The following PALLD variants were observed in gnomAD, a reference collection of about 807,000 sequenced individuals.
PALLD encodes palladin.
Under a neutral mutation model 123.5 loss-of-function variants are expected in PALLD, and 61 were observed. That is an observed-to-expected ratio of 0.49 (90% CI 0.40 to 0.61). PALLD has a LOEUF of 0.61. PALLD is among the 20% of genes least tolerant of loss of function. The pLI is 0.00. For missense variants in PALLD, 1,273 were observed against 1,377.0 expected (o/e 0.92, Z 1.20); for synonymous variants, 465 against 496.4 (o/e 0.94, Z 0.84).
In PALLD at chr4:168,526,481, T is replaced by A. The variant is rs1009486934; in HGVS notation, c.908+14069T>A. Among the ~76,000 whole-genome samples the A allele has an allele frequency of 3.9e-5, 6 of 152,230 alleles. 1 individual carries two copies. Among genetic ancestry groups the A allele is most frequent in the Non-Finnish European group, 7.3e-5 (5 of 68,044 alleles). On this transcript the variant is annotated intron_variant, in intron 2 of 21. Transcript: ENST00000505667. Reference sequence around the variant, plus strand: ...AGGAGTTGGGTTCATCTTCTCTCTCTCACATCCACATTGCAAATCAGTCCT... The same window carrying A: ...AGGAGTTGGGTTCATCTTCTCTCTCACACATCCACATTGCAAATCAGTCCT...
intron 8 of PALLD, among the ~76,000 whole-genome samples, chr4:168,696,959 A>T (rs946232820): frequency 6.6e-6 from 1 of 152,212 alleles, no homozygotes; most frequent in African/African-American, 2.4e-5. Flanking sequence ...AGATGGAAAA[A>T]TCCACTGATT....
At chr4:168,743,741 G>A (rs1788590071) in intron 10 of PALLD, among the ~76,000 whole-genome samples, 2 of 152,096 alleles carry the variant, frequency 1.3e-5, no homozygotes, top group Non-Finnish European at 2.9e-5. Flanking sequence ...GTTTGGTCAG[G>A]TCTGGCATGG....
rs1732447636 is a variant in PALLD, at chr4:168,759,205, ATATATATAT to A, written c.1964+47283_1964+47291del. On this transcript the variant is annotated intron_variant, in intron 10 of 21. Coordinates refer to ENST00000505667, the MANE Select transcript of PALLD (RefSeq NM_001166108.2). ...AAAAAAAAAAAAAAAAAAAAAAAAT[ATATATATAT>A]ATATATATATATATATATATATATA... Among the ~76,000 whole-genome samples, 32 of 45,236 alleles carry A rather than the reference ATATATATAT, an allele frequency of 7.1e-4. 3 individuals carry two copies. Among genetic ancestry groups the A allele is most frequent in the African/African-American group, 2.7e-3 (20 of 7,286 alleles). The allele number at this position is 45,236 out of a possible 152,430, so 29.7% of individuals were successfully genotyped here. A position where few individuals can be genotyped will look rare whatever the true frequency, so the allele number is the denominator to read the frequency against.
chr4:168,631,825 G>A (rs914796492), intron 2 of PALLD: 3 of 985,496 alleles, frequency 3.0e-6, no homozygotes, highest in Non-Finnish European at 3.6e-6. Context: ...TGCAAGCTGG[G>A]AATAAGCGAG....
chr4:168,517,371 C>T (rs559815054), intron 2 of PALLD, among the ~76,000 whole-genome samples: 14 of 152,240 alleles, frequency 9.2e-5, no homozygotes, highest in Non-Finnish European at 1.9e-4. Flanking sequence ...CATATCTAAT[C>T]ATAAGATACC....
intron 2 of PALLD, among the ~76,000 whole-genome samples, chr4:168,568,346 C>T (rs1253994335): frequency 6.6e-6 from 1 of 151,990 alleles, no homozygotes; most frequent in East Asian, 1.9e-4. Flanking sequence ...ATTGGGTACA[C>T]TAAAAATTGG....
intron 2 of PALLD, among the ~76,000 whole-genome samples, chr4:168,619,099 G>A (rs1774501631): frequency 6.6e-6 from 1 of 152,232 alleles, no homozygotes. Flanking sequence ...GCACTGAGCT[G>A]TGAATAGGAA....
chr4:168,581,733 A>G (rs547110406), intron 2 of PALLD, among the ~76,000 whole-genome samples: 5 of 151,980 alleles, frequency 3.3e-5, no homozygotes, highest in Non-Finnish European at 5.9e-5. Flanking sequence ...TCTGTTGACT[A>G]TTTCCTTTGC....
At chr4:168,630,343 G>C (rs1005754407) in intron 2 of PALLD, among the ~76,000 whole-genome samples, 18 of 152,304 alleles carry the variant, frequency 1.2e-4, no homozygotes, top group African/African-American at 3.6e-4. Flanking sequence ...TACAAGAAGG[G>C]ACTGAACCTG....
chr4:168,613,362 C>T (rs1398697789), intron 2 of PALLD, among the ~76,000 whole-genome samples: 2 of 152,194 alleles, frequency 1.3e-5, no homozygotes, highest in African/African-American at 2.4e-5. Flanking sequence ...GTATTTCTGA[C>T]AGCCATACCG....
At chr4:168,555,439 C>T (rs11132322) in intron 2 of PALLD, among the ~76,000 whole-genome samples, 43,468 of 151,992 alleles carry the variant, frequency 0.29, 6,571 homozygotes, top group South Asian at 0.44. Flanking sequence ...GGTGGAACCA[C>T]TTTATTCAGA....
chr4:168,560,968 A>G (rs1333750272), intron 2 of PALLD, among the ~76,000 whole-genome samples: 1 of 152,180 alleles, frequency 6.6e-6, no homozygotes, highest in Non-Finnish European at 1.5e-5. Context: ...AGTTGCCTGC[A>G]ATAATAGAGG....
At chr4:168,838,667 C>CTTTTTTTTTTTTTT (rs70961558) in intron 10 of PALLD, among the ~76,000 whole-genome samples, 1 of 88,780 alleles carries the variant, frequency 1.1e-5, no homozygotes. Flanking sequence ...CTTCTAACTC[C>CTTTTTTTTTTTTTT]TTTTTTTTTT....
chr4:168,667,514 C>T (rs1247344199), intron 2 of PALLD, among the ~76,000 whole-genome samples: 1 of 152,070 alleles, frequency 6.6e-6, no homozygotes. Flanking sequence ...GTGAGAGAAC[C>T]TGTGTTCAAA....
intron 5 of PALLD, among the ~76,000 whole-genome samples, chr4:168,685,079 G>T (rs1580955071): frequency 6.6e-6 from 1 of 152,124 alleles, no homozygotes; most frequent in East Asian, 1.9e-4. Flanking sequence ...GTAGATGTTT[G>T]ATAATTTACC....
At position 168,921,574 on chromosome 4, in the gene PALLD, A is replaced by G; in HGVS notation, c.2891A>G (p.Asp964Gly). ...ACCCCAGATCTAAGCTGGCAACTAG[A>G]TGGAAAGCCCGTACGCCCTGACAGT... Reference protein sequence around the residue: ...LPTPDLSWQLDGKPVRPDSAH... With the variant: ...LPTPDLSWQLGGKPVRPDSAH... The change falls in exon 18 of 22, where the codon GAT (aspartate) becomes GGT (glycine). Residue 964 changes from aspartate to glycine, a missense_variant. Asp to Gly is a moderately conservative substitution (Grantham distance 94). Around this residue, in one of 2 missense-constraint regions of PALLD, gnomAD observed 329 missense variants for 422.5 expected, o/e 0.78. Transcript: ENST00000505667. 6.2e-7 allele frequency: 1 copy of G among 1,609,124 alleles called. No homozygotes were observed. The highest frequency in any genetic ancestry group is 1.7e-5 in the Admixed American group (1 of 59,204).
At chr4:168,820,005 C>T (rs555262259) in intron 10 of PALLD, among the ~76,000 whole-genome samples, 2 of 152,336 alleles carry the variant, frequency 1.3e-5, no homozygotes, top group South Asian at 2.1e-4. Flanking sequence ...CTACTTGCTG[C>T]CTTTGCCTTC....
chr4:168,819,709 G>A (rs1357365386), intron 10 of PALLD, among the ~76,000 whole-genome samples: 7 of 152,134 alleles, frequency 4.6e-5, no homozygotes, highest in Non-Finnish European at 1.0e-4. Context: ...AATTAATTGC[G>A]ACTTAGAACA....
chr4:168,781,288 C>G (rs1000921504), intron 10 of PALLD, among the ~76,000 whole-genome samples: 1 of 152,166 alleles, frequency 6.6e-6, no homozygotes, highest in African/African-American at 2.4e-5. Context: ...AGAAGATTTA[C>G]TGAGGTTTTG....
Sources: gnomAD v4.1 joint callset for allele counts (sites outside exome capture counted in the v4.1 genomes callset) on GRCh38, gnomAD v4.1.1 for gene constraint, gnomAD v4.1.1 regional missense constraint, MANE v1.5 for transcripts, NCBI Gene and HGNC (gene_info 2026-07-23, HGNC 2026-07-21) for gene names.